Variants in XIRP2 observed in about 807,000 individuals in gnomAD.
XIRP2 encodes the protein xin actin binding repeat containing 2.
Under a neutral mutation model 277.0 loss-of-function variants are expected in XIRP2, and 236 were observed. That is an observed-to-expected ratio of 0.85 (90% confidence interval 0.77 to 0.95). The LOEUF is 0.95. Ranked by LOEUF, XIRP2 falls within the 40% of genes least tolerant of loss-of-function variation. The pLI, the probability that XIRP2 is intolerant of heterozygous loss-of-function variation, is 0.00. For synonymous variants in XIRP2, 1,490 were observed against 1,416.5 expected (o/e 1.05, Z -1.17); for missense variants, 4,640 against 4,157.5 (o/e 1.12, Z -3.19).
At chr2:166,957,165 A>G (rs2105402883) in intron 2 of XIRP2, among the ~76,000 whole-genome samples, 1 of 151,182 alleles carries the variant, frequency 6.6e-6, no homozygotes, top group East Asian at 2.0e-4. Flanking sequence ...TTATCTGGAG[A>G]TTTTTCTTAG....
rs146012869 is a variant in XIRP2, at chr2:167,252,265, A to G, written c.10555+318A>G. Reference sequence around the variant, plus strand: ...TATAGCAATAATTTTATTTCATGCAATTATTCTAGACAATAATAAATAATA... The same window carrying G: ...TATAGCAATAATTTTATTTCATGCAGTTATTCTAGACAATAATAAATAATA... On this transcript the variant is annotated intron_variant, in intron 9 of 10. Transcript: ENST00000409195. Among the ~76,000 whole-genome samples, 239 of 152,108 alleles carry G rather than the reference A, an allele frequency of 1.6e-3. 3 individuals are homozygous for G. The East Asian group carries it at 0.021, about 13-fold the overall frequency.
intron 2 of XIRP2, among the ~76,000 whole-genome samples, chr2:166,942,142 C>T (rs947600839): frequency 1.3e-5 from 2 of 152,172 alleles, no homozygotes; most frequent in South Asian, 4.1e-4. Flanking sequence ...CTGTCACAAG[C>T]ACCTATGCCC....
At chr2:166,948,265 A>G (rs891062070) in intron 2 of XIRP2, among the ~76,000 whole-genome samples, 14 of 152,112 alleles carry the variant, frequency 9.2e-5, no homozygotes, top group African/African-American at 3.4e-4. Context: ...TAACTAGTGT[A>G]TCCCCTCTGG....
chr2:167,002,845 G>A (rs556957634), intron 2 of XIRP2, among the ~76,000 whole-genome samples: 4 of 151,978 alleles, frequency 2.6e-5, no homozygotes, highest in African/African-American at 9.6e-5. Context: ...TTGTTAAATA[G>A]TTCTTTAAAT....
At chr2:166,985,499 C>T (rs1445964032) in intron 2 of XIRP2, among the ~76,000 whole-genome samples, 3 of 151,284 alleles carry the variant, frequency 2.0e-5, no homozygotes, top group East Asian at 3.9e-4. Context: ...GGTACGATCT[C>T]CGCTCACTGC....
At chr2:167,075,860 C>A (rs938475754) in intron 2 of XIRP2, among the ~76,000 whole-genome samples, 3 of 149,910 alleles carry the variant, frequency 2.0e-5, no homozygotes, top group African/African-American at 7.4e-5. Flanking sequence ...GCCATGTTGG[C>A]CAGGTGGGTT....
intron 5 of XIRP2, among the ~76,000 whole-genome samples, chr2:167,234,369 A>T (rs981782389): frequency 6.6e-6 from 1 of 150,492 alleles, no homozygotes; most frequent in Admixed American, 6.6e-5. Context: ...TTTCAAGCTA[A>T]CTGAGCCTTT....
chr2:167,218,069 T>C (rs1694308620), intron 4 of XIRP2, 97 bp from the exon 5 acceptor site: 1 of 1,048,416 alleles, frequency 9.5e-7, no homozygotes, highest in Non-Finnish European at 1.3e-6. Flanking sequence ...TTTAAGATAC[T>C]GTCTATCAAT....
At chr2:167,195,772 G>A (rs1261021569) in intron 3 of XIRP2, among the ~76,000 whole-genome samples, 7 of 152,192 alleles carry the variant, frequency 4.6e-5, no homozygotes, top group Non-Finnish European at 8.8e-5. Flanking sequence ...AAGAAAGGTT[G>A]GAGCCTGCAA....
intron 2 of XIRP2, among the ~76,000 whole-genome samples, chr2:167,022,749 T>C (rs1330733407): frequency 6.6e-6 from 1 of 152,138 alleles, no homozygotes; most frequent in Non-Finnish European, 1.5e-5. Context: ...GCTTTCCAAT[T>C]TCATCCATGT....
intron 6 of XIRP2, 82 bp from the exon 7 acceptor site, chr2:167,240,582 G>T (rs940589960): frequency 4.1e-6 from 5 of 1,226,612 alleles, no homozygotes; most frequent in South Asian, 3.7e-5. Flanking sequence ...GAAAATCACT[G>T]TAAAATGAAG....
intron 2 of XIRP2, among the ~76,000 whole-genome samples, chr2:166,933,396 G>A (rs113309057): frequency 0.021 from 3,213 of 151,826 alleles, 109 homozygotes; most frequent in African/African-American, 0.073. Flanking sequence ...GATCCACCCC[G>A]TCTCGGCCTC....
rs1025605182 is a variant in XIRP2 at position 167,087,016 on chromosome 2, G to A, written c.409-48893G>A. Among the ~76,000 whole-genome samples, 12 of 151,288 alleles carry A rather than the reference G, an allele frequency of 7.9e-5. No individual in the cohort carries two copies. In the South Asian group the frequency reaches 8.3e-4, roughly 11 times the overall value. On this transcript the variant is annotated intron_variant, in intron 2 of 10. Transcript: ENST00000409195. ...TGCGTTCCTTTGGAGGAGGAGAGGC[G>A]CTCTGCGTTTTAGAGTTTCCAGTTT...
intron 2 of XIRP2, among the ~76,000 whole-genome samples, chr2:167,039,188 C>T (rs1246670295): frequency 2.6e-5 from 4 of 151,900 alleles, no homozygotes; most frequent in African/African-American, 9.7e-5. Flanking sequence ...CTCTAAAGAA[C>T]CACAATGAGT....
At chr2:167,001,933 A>T (rs1302065275) in intron 2 of XIRP2, among the ~76,000 whole-genome samples, 1 of 152,140 alleles carries the variant, frequency 6.6e-6, no homozygotes, top group East Asian at 1.9e-4. Flanking sequence ...TATTTCAACA[A>T]ACATAGGAAA....
chr2:166,947,588 A>C (rs1007191692), intron 2 of XIRP2, among the ~76,000 whole-genome samples: 1 of 152,010 alleles, frequency 6.6e-6, no homozygotes, highest in Non-Finnish European at 1.5e-5. Context: ...ACCCCTTGCC[A>C]CACACACATT....
At chr2:167,052,918 T>C (rs933031170) in intron 2 of XIRP2, among the ~76,000 whole-genome samples, 3 of 152,222 alleles carry the variant, frequency 2.0e-5, no homozygotes, top group African/African-American at 4.8e-5. Flanking sequence ...TTGAGTTATA[T>C]GTAGTTGTAG....
intron 2 of XIRP2, among the ~76,000 whole-genome samples, chr2:166,916,417 C>T (rs1291217173): frequency 6.6e-6 from 1 of 152,040 alleles, no homozygotes; most frequent in African/African-American, 2.4e-5. Flanking sequence ...TAACTTCTGT[C>T]AAGCATGATG....
intron 2 of XIRP2, among the ~76,000 whole-genome samples, chr2:167,023,288 T>G (rs564858842): frequency 8.3e-4 from 127 of 152,200 alleles, no homozygotes; most frequent in African/African-American, 2.9e-3. Flanking sequence ...CTTCACCCAC[T>G]TTTTGATGGG....
Sources: allele counts gnomAD v4.1 joint callset (sites outside exome capture counted in the v4.1 genomes callset), GRCh38; gene constraint gnomAD v4.1.1; transcripts MANE v1.5; gene names NCBI Gene and HGNC (gene_info 2026-07-23, HGNC 2026-07-21).